USH2A: variants seen among roughly 807,000 people sequenced by gnomAD.
USH2A encodes the protein usherin.
Under a neutral mutation model 538.9 loss-of-function variants are expected in USH2A, and 443 were observed. That is an observed-to-expected ratio of 0.82 (90% CI 0.76 to 0.89). The LOEUF is 0.89. USH2A is among the 40% of genes least tolerant of loss of function. The pLI is 0.00. For synonymous variants in USH2A, 2,413 were observed against 2,273.5 expected, an observed-to-expected ratio of 1.06 and a Z score of -1.75; for missense variants, 6,633 against 6,324.8, an observed-to-expected ratio of 1.05 and a Z score of -1.65.
At chr1:215,886,635 G>A (rs1285584043) in intron 41 of USH2A, 1 of 152,116 alleles carries the variant, frequency 6.6e-6, no homozygotes, top group African/African-American at 2.4e-5. Flanking sequence ...ATGCCTTGTG[G>A]CCTCAGGTGA....
chr1:216,000,102 A>G (rs1011421445), intron 33 of USH2A, among the ~76,000 whole-genome samples: 3 of 152,168 alleles, frequency 2.0e-5, no homozygotes, highest in Non-Finnish European at 4.4e-5. Flanking sequence ...CTAATTCCAA[A>G]TTATTACAAA....
intron 15 of USH2A, among the ~76,000 whole-genome samples, chr1:216,211,429 T>A (rs1303039383): frequency 6.6e-6 from 1 of 152,166 alleles, no homozygotes; most frequent in Non-Finnish European, 1.5e-5. Context: ...CAGAATTGCT[T>A]GTTCAACTAT....
At position 215,887,146 on chromosome 1, in the gene USH2A, C is replaced by T. The variant is rs189955194; in HGVS notation, c.8223+1280G>A. Among the ~76,000 whole-genome samples, 12 of 152,288 alleles carry T rather than the reference C, an allele frequency of 7.9e-5. No homozygotes were observed. In the East Asian group the frequency reaches 1.7e-3, roughly 22 times the overall value. On this transcript the variant is annotated intron_variant, in intron 41 of 71. Transcript: ENST00000307340. ...TACTGGGATTACAGGCGTGAGCCAC[C>T]GCACCCGGCCTGAAAATACTTACTC...
In USH2A at chr1:215,787,134, T is replaced by G. The variant is rs11804198; in HGVS notation, c.10183-260A>C. ...AACCTTGAGCAAGTCACTTATGTTT[T>G]CAAAACCTCAGCTTCTTCAGTGGGG... On this transcript the variant is annotated intron_variant, in intron 51 of 71. Transcript: ENST00000307340. Among the ~76,000 whole-genome samples, 53,204 of 151,944 alleles carry G rather than the reference T, an allele frequency of 0.35. 9,509 individuals are homozygous for G. The highest frequency in any genetic ancestry group is 0.41 in the African/African-American group (17,109 of 41,430).
intron 46 of USH2A, among the ~76,000 whole-genome samples, chr1:215,839,982 A>T (rs1175433810): frequency 6.6e-6 from 1 of 151,620 alleles, no homozygotes; most frequent in African/African-American, 2.4e-5. Context: ...ACATGGTGAA[A>T]CCCTGTCTCT....
intron 32 of USH2A, among the ~76,000 whole-genome samples, chr1:216,033,961 T>C (rs1037273883): frequency 5.9e-5 from 9 of 152,126 alleles, no homozygotes; most frequent in Admixed American, 3.3e-4. Context: ...GATAAAAAAC[T>C]CAGAAAAAAG....
chr1:215,920,219 G>A (rs1666062701), intron 38 of USH2A, among the ~76,000 whole-genome samples: 1 of 152,034 alleles, frequency 6.6e-6, no homozygotes, highest in South Asian at 2.1e-4. Flanking sequence ...TTCCAAGACA[G>A]AGAGAACAAA....
At chr1:216,355,381 A>AAGAAAGAAAGAAAG (rs1164143706) in intron 4 of USH2A, among the ~76,000 whole-genome samples, 1 of 150,366 alleles carries the variant, frequency 6.7e-6, no homozygotes, top group Middle Eastern at 3.2e-3. Context: ...GAAAGAAGGA[A>AAGAAAGAAAGAAAG]AGAAACATAT....
chr1:216,367,497 C>T (rs2038622150), intron 3 of USH2A, among the ~76,000 whole-genome samples: 1 of 152,070 alleles, frequency 6.6e-6, no homozygotes, highest in African/African-American at 2.4e-5. Context: ...TTTCTGTATT[C>T]ACTGTATTAT....
chr1:216,279,208 A>T (rs1019419960), intron 11 of USH2A, among the ~76,000 whole-genome samples: 1 of 152,108 alleles, frequency 6.6e-6, no homozygotes, highest in Admixed American at 6.6e-5. Context: ...TTTGGTTTTC[A>T]CACAACTTTT....
Position 216,031,758 on chromosome 1 carries a change from T to C in USH2A, c.6325+14673A>G, listed in dbSNP as rs1669132538. Among the ~76,000 whole-genome samples, 2 of 152,234 alleles carry C rather than the reference T, an allele frequency of 1.3e-5. 1 individual carries two copies. The highest frequency in any genetic ancestry group is 4.8e-5 in the African/African-American group (2 of 41,480). On this transcript the variant is annotated intron_variant, in intron 32 of 71. Transcript: ENST00000307340. Reference sequence around the variant, plus strand: ...AACTTAGCACCTTTGATAATCTCAATCCCACCTTGCTTCTCACTATTGATT... The same window carrying C: ...AACTTAGCACCTTTGATAATCTCAACCCCACCTTGCTTCTCACTATTGATT...
In USH2A at chr1:216,325,900, G is replaced by A. The variant is rs188734712; in HGVS notation, c.849-301C>T. Among the ~76,000 whole-genome samples, 413 of 152,132 alleles carry A rather than the reference G, an allele frequency of 2.7e-3. 4 individuals carry two copies. The highest frequency in any genetic ancestry group is 9.0e-3 in the African/African-American group (375 of 41,504). Reference sequence around the variant, plus strand: ...TATTTAAATACCACAATATTTTACCGTGTCTATTTGTGATAATATAGAAAT... The same window carrying A: ...TATTTAAATACCACAATATTTTACCATGTCTATTTGTGATAATATAGAAAT... On this transcript the variant is annotated intron_variant, in intron 5 of 71. Coordinates refer to ENST00000307340, the MANE Select transcript of USH2A (RefSeq NM_206933.4).
intron 38 of USH2A, among the ~76,000 whole-genome samples, chr1:215,912,476 C>CTTATATATATATATGTGT (rs1665819070): frequency 2.7e-4 from 3 of 10,914 alleles, no homozygotes; most frequent in African/African-American, 5.3e-4. Context: ...TATATATATA[C>CTTATATATATATATGTGT]GTATATATAT....
At chr1:216,303,077 C>T (rs574494245) in intron 9 of USH2A, among the ~76,000 whole-genome samples, 12 of 151,992 alleles carry the variant, frequency 7.9e-5, no homozygotes, top group Non-Finnish European at 1.5e-4. Context: ...AAATCTCTGT[C>T]CTTCTTTATT....
intron 9 of USH2A, among the ~76,000 whole-genome samples, chr1:216,314,702 G>C (rs1159900298): frequency 2.0e-5 from 3 of 152,256 alleles, no homozygotes; most frequent in East Asian, 3.9e-4. Flanking sequence ...AAAGTTTCAA[G>C]CTGGCTGTGC....
chr1:215,813,688 G>C, intron 49 of USH2A, 48 bp downstream of exon 49: 1 of 1,611,900 alleles, frequency 6.2e-7, no homozygotes, highest in Admixed American at 1.7e-5. Flanking sequence ...ACGTGTTTAT[G>C]TTTTCAGGTT....
intron 13 of USH2A, 84 bp from the exon 14 acceptor site, chr1:216,232,220 A>C: frequency 7.0e-7 from 1 of 1,426,212 alleles, no homozygotes; most frequent in East Asian, 2.5e-5. Context: ...ACACAGAAAA[A>C]CAGAATACTC....
chr1:216,394,450 G>A (rs900550504), intron 3 of USH2A, among the ~76,000 whole-genome samples: 1 of 152,020 alleles, frequency 6.6e-6, no homozygotes, highest in African/African-American at 2.4e-5. Flanking sequence ...TTGGTTGGAT[G>A]GTGGTTATGC....
intron 3 of USH2A, among the ~76,000 whole-genome samples, chr1:216,403,947 C>T (rs755642783): frequency 1.7e-4 from 26 of 152,198 alleles, no homozygotes; most frequent in African/African-American, 2.9e-4. Context: ...TCTCTCCTGA[C>T]GCCACGTGAG....
Sources: allele counts gnomAD v4.1 joint callset (sites outside exome capture counted in the v4.1 genomes callset), GRCh38; gene constraint gnomAD v4.1.1; transcripts MANE v1.5; gene names NCBI Gene and HGNC (gene_info 2026-07-23, HGNC 2026-07-21).